Variants in NFKB1 observed in about 807,000 individuals in gnomAD.
NFKB1 encodes nuclear factor kappa B subunit 1.
In NFKB1, 9 loss-of-function variants were observed where a neutral mutation model predicts 105.1. The observed-to-expected ratio is 0.09, with a 90% CI of 0.05 to 0.15. The LOEUF (loss-of-function observed/expected upper bound fraction) is 0.15, where lower values mean the gene tolerates loss of function less well. Among genes scored for constraint, NFKB1 ranks in the 10% least tolerant of loss-of-function variants. The probability of loss-of-function intolerance (pLI) is 1.00; values close to 1 mark genes in which losing one functional copy is unlikely to be tolerated. For missense variants in NFKB1, 830 were observed against 1,203.7 expected (o/e 0.69, Z 4.59); for synonymous variants, 440 against 442.2 (o/e 1.00, Z 0.06).
chr4:102,565,251 C>G (rs1723764105), intron 5 of NFKB1, among the ~76,000 whole-genome samples: 1 of 152,046 alleles, frequency 6.6e-6, no homozygotes, highest in Non-Finnish European at 1.5e-5. Context: ...TCTGGGGACC[C>G]TGCTCTTTGA....
intron 5 of NFKB1, among the ~76,000 whole-genome samples, chr4:102,565,574 C>T (rs1723797342): frequency 6.6e-6 from 1 of 152,180 alleles, no homozygotes; most frequent in African/African-American, 2.4e-5. Flanking sequence ...GATTCTGTCT[C>T]TTTCCAAGTA....
At chr4:102,525,746 C>CT (rs113047410) in intron 2 of NFKB1, among the ~76,000 whole-genome samples, 189 bp downstream of exon 2, 4 of 152,228 alleles carry the variant, frequency 2.6e-5, no homozygotes, top group South Asian at 4.1e-4. Flanking sequence ...AACTTACACC[C>CT]GCTTTCACAC....
chr4:102,569,122 A>T (rs1007749202), intron 6 of NFKB1, among the ~76,000 whole-genome samples: 1 of 152,116 alleles, frequency 6.6e-6, no homozygotes, highest in African/African-American at 2.4e-5. Context: ...TATTTCTTTC[A>T]TAATTCATTT....
intron 20 of NFKB1, 69 bp from the exon 21 acceptor site, chr4:102,611,975 A>T: frequency 7.8e-7 from 1 of 1,276,716 alleles, no homozygotes; most frequent in Non-Finnish European, 1.1e-6. Context: ...GTTGTTTATT[A>T]TAAAGAAACA....
rs573148009 is a variant in NFKB1, at chr4:102,537,133, C to T, written c.160-725C>T. Among the ~76,000 whole-genome samples the T allele has an allele frequency of 3.8e-4, 58 of 152,204 alleles. 1 individual carries two copies. Among genetic ancestry groups the T allele is most frequent in the Non-Finnish European group, 1.2e-4 (8 of 68,004 alleles). On this transcript the variant is annotated intron_variant, in intron 4 of 23. Coordinates refer to ENST00000226574, the MANE Select transcript of NFKB1 (RefSeq NM_003998.4). ...GACACTTCTTAGGTGTTTATCAGCC[C>T]ACAGTAGTTTATATAGTGAAGGCTT...
chr4:102,588,298 C>T (rs7667496), intron 11 of NFKB1, among the ~76,000 whole-genome samples: 51,533 of 151,868 alleles, frequency 0.34, 9,156 homozygotes, highest in Admixed American at 0.44. Flanking sequence ...AGAACCAGCC[C>T]GGAGCTTTGC....
At chr4:102,577,886 G>C in intron 7 of NFKB1, 14 of 985,242 alleles carry the variant, frequency 1.4e-5, no homozygotes, top group Non-Finnish European at 1.7e-5. Flanking sequence ...TTCTAATCAA[G>C]TTTACATCTT....
chr4:102,508,354 G>A (rs1739563340), intron 1 of NFKB1, among the ~76,000 whole-genome samples: 2 of 152,174 alleles, frequency 1.3e-5, no homozygotes, highest in African/African-American at 2.4e-5. Context: ...AGAAGCATGT[G>A]TGGGTGGCTA....
In NFKB1 at chr4:102,593,308, GCTTT is replaced by G. The variant is rs1395208601; in HGVS notation, c.1067-114_1067-111del. On this transcript the variant is annotated intron_variant, in intron 11 of 23. Transcript: ENST00000226574. Reference sequence around the variant, plus strand: ...ATTTACCATCTCTTCCTCTTTGAGTGCTTTCTATTTCCCTTTAAGATGTTTAAAA... The same window carrying G: ...ATTTACCATCTCTTCCTCTTTGAGTGCTATTTCCCTTTAAGATGTTTAAAA... 207 of 947,620 alleles carry G rather than the reference GCTTT, an allele frequency of 2.2e-4. 1 individual carries two copies. The highest frequency in any genetic ancestry group is 3.5e-5 in the Non-Finnish European group (22 of 628,248). The allele number at this position is 947,620 out of a possible 1,614,324, so 58.7% of individuals were successfully genotyped here. A position where few individuals can be genotyped will look rare whatever the true frequency, so the allele number is the denominator to read the frequency against.
At chr4:102,529,344 G>A (rs564134388) in intron 2 of NFKB1, among the ~76,000 whole-genome samples, 101 of 152,266 alleles carry the variant, frequency 6.6e-4, no homozygotes, top group African/African-American at 2.2e-3. Flanking sequence ...TAGTCCCAGA[G>A]GTGCTCTCTA....
chr4:102,583,223 C>A (rs1366003589), intron 10 of NFKB1, among the ~76,000 whole-genome samples: 1 of 152,056 alleles, frequency 6.6e-6, no homozygotes, highest in Non-Finnish European at 1.5e-5. Flanking sequence ...TGGACTTAAG[C>A]GATTATCCCA....
chr4:102,516,817 C>T (rs562961883), intron 1 of NFKB1, among the ~76,000 whole-genome samples: 55 of 152,142 alleles, frequency 3.6e-4, no homozygotes, highest in African/African-American at 1.2e-3. Flanking sequence ...TTTGTTGTAA[C>T]AGGCAGTGAA....
intron 5 of NFKB1, among the ~76,000 whole-genome samples, chr4:102,558,058 GT>G (rs1457209498): frequency 3.3e-4 from 44 of 132,874 alleles, no homozygotes; most frequent in African/African-American, 1.2e-3. Flanking sequence ...TTACTTTTAA[GT>G]TTTATGTGCA....
chr4:102,586,514 A>G (rs903206401), intron 11 of NFKB1, among the ~76,000 whole-genome samples: 3 of 152,222 alleles, frequency 2.0e-5, no homozygotes, highest in African/African-American at 7.2e-5. Context: ...AAAACGAGAT[A>G]TAACAGGCAC....
At chr4:102,557,650 A>G (rs1479411535) in intron 5 of NFKB1, among the ~76,000 whole-genome samples, 3 of 152,216 alleles carry the variant, frequency 2.0e-5, no homozygotes, top group African/African-American at 7.2e-5. Flanking sequence ...TGAGGGAAAC[A>G]ACAAAATGAA....
intron 23 of NFKB1, among the ~76,000 whole-genome samples, chr4:102,613,811 A>C (rs569771632): frequency 1.1e-4 from 16 of 152,326 alleles, no homozygotes; most frequent in African/African-American, 3.8e-4. Context: ...CTTAGTAAAC[A>C]CTAAATAATA....
rs1348656190 is a variant in NFKB1 at position 102,617,120 on chromosome 4, ACT to A, written c.*527_*528del. 10 of 150,036 alleles carry A rather than the reference ACT, an allele frequency of 6.7e-5. No individual in the cohort carries two copies. Among genetic ancestry groups the A allele is most frequent in the Non-Finnish European group, 1.0e-4 (7 of 67,538 alleles). The allele number at this position is 150,036 out of a possible 1,614,324, so 9.3% of individuals were successfully genotyped here. A position where few individuals can be genotyped will look rare whatever the true frequency, so the allele number is the denominator to read the frequency against. On this transcript the variant is annotated 3_prime_UTR_variant, in exon 24 of 24. Coordinates refer to ENST00000226574, the MANE Select transcript of NFKB1 (RefSeq NM_003998.4). ...TTGCAAAAAAAAAAAAAAAAAAAAT[ACT>A]TGTCAATATTTAAACATGGTTACAA...
At chr4:102,607,121 C>CT in intron 17 of NFKB1, 29 bp from the exon 18 acceptor site, 1 of 1,613,434 alleles carries the variant, frequency 6.2e-7, no homozygotes, top group East Asian at 2.2e-5. Flanking sequence ...CCATCCCATC[C>CT]TGTGACTGTC....
chr4:102,547,632 G>A (rs1320018847), intron 5 of NFKB1, among the ~76,000 whole-genome samples: 1 of 152,198 alleles, frequency 6.6e-6, no homozygotes, highest in Non-Finnish European at 1.5e-5. Flanking sequence ...ATGCCACACA[G>A]TAAGCACTTA....
Sources: gnomAD v4.1 joint callset for allele counts (sites outside exome capture counted in the v4.1 genomes callset) on GRCh38, gnomAD v4.1.1 for gene constraint, MANE v1.5 for transcripts, NCBI Gene and HGNC (gene_info 2026-07-23, HGNC 2026-07-21) for gene names.